PZP: variants seen among roughly 807,000 people sequenced by gnomAD.
PZP encodes the protein PZP alpha-2-macroglobulin like, also known as pregnancy zone protein.
A neutral mutation model predicts 179.8 loss-of-function variants in PZP; 150 were observed. The ratio of observed to expected loss-of-function variants is 0.83; its 90% CI spans 0.73 to 0.96. PZP has a LOEUF of 0.96. Among genes scored for constraint, PZP ranks in the 40% least tolerant of loss-of-function variants. PZP has a pLI of 0.00. For synonymous variants in PZP, 624 were observed against 652.3 expected (o/e 0.96, Z 0.66); for missense variants, 1,689 against 1,764.0 (o/e 0.96, Z 0.76).
Position 9,201,065 on chromosome 12 carries a change from A to T in PZP, c.502-5T>A. On this transcript the variant is annotated splice_polypyrimidine_tract_variant and splice_region_variant and intron_variant, in intron 5 of 35. Transcript: ENST00000261336. The stretch of plus-strand genomic sequence containing the variant: ...AATTCGATTTCTTCTTGGGTTCTGA[A>T]GGGAAACAAGAAACATGGGCGGTAA... 6.2e-7 allele frequency: 1 copy of T among 1,613,736 alleles called. No individual in the cohort carries two copies.
rs752530499 is a variant in PZP, at chr12:9,196,669, C to A, written c.884G>T (p.Cys295Phe). The change falls in exon 9 of 36, where the codon TGC (cysteine) becomes TTC (phenylalanine). Residue 295 changes from cysteine to phenylalanine, a missense_variant. Coordinates refer to ENST00000261336, the MANE Select transcript of PZP (RefSeq NM_002864.3). ...TTTGGTGTGTACTTGTTGGGTGATG[C>A]AGCCATTGCTGTTAAGCTGAGAAAA... ...EFSQQLNSNG[C>F]ITQQVHTKML... 1.9e-6 allele frequency: 3 copies of A among 1,610,328 alleles called. No individual in the cohort carries two copies. In the Admixed American group the frequency reaches 5.0e-5, roughly 27 times the overall value.
At chr12:9,200,242 A>G in intron 7 of PZP, 122 bp downstream of exon 7, 1 of 547,914 alleles carries the variant, frequency 1.8e-6, no homozygotes, top group East Asian at 3.0e-5. Context: ...TTAAATAAAG[A>G]GAAGTCAAAG....
At chr12:9,172,796 A>G (rs1054917174) in intron 15 of PZP, among the ~76,000 whole-genome samples, 4 of 152,244 alleles carry the variant, frequency 2.6e-5, no homozygotes, top group Admixed American at 6.5e-5. Context: ...ATATATATGC[A>G]TCCAATACAG....
At chr12:9,195,837 G>T (rs1193092709) in intron 10 of PZP, among the ~76,000 whole-genome samples, 1 of 149,638 alleles carries the variant, frequency 6.7e-6, no homozygotes, top group Non-Finnish European at 1.5e-5. Context: ...CTTTATTATT[G>T]TTAAAATATA....
At chr12:9,174,848 C>T (rs936055824) in intron 15 of PZP, among the ~76,000 whole-genome samples, 23 of 152,090 alleles carry the variant, frequency 1.5e-4, no homozygotes, top group Non-Finnish European at 2.8e-4. Context: ...CATCCTCACG[C>T]ATAAGAAGAA....
chr12:9,165,905 T>G, intron 18 of PZP, 147 bp downstream of exon 18: 1 of 887,070 alleles, frequency 1.1e-6, no homozygotes, highest in Non-Finnish European at 1.7e-6. Context: ...GCCTATGCAA[T>G]TGCGCATTTT....
intron 35 of PZP, 41 bp from the exon 36 acceptor site, chr12:9,149,035 C>T (rs373103702): frequency 9.3e-5 from 147 of 1,582,256 alleles, no homozygotes; most frequent in Non-Finnish European, 1.2e-4. Context: ...GTATCATTTC[C>T]TGAGGAGCAT....
In PZP at chr12:9,157,094, A is replaced by G. The variant is rs1940811396; in HGVS notation, c.3550+81T>C. The G allele has an allele frequency of 3.5e-5, 48 of 1,381,080 alleles. 2 individuals are homozygous for G. The South Asian group carries it at 6.1e-4, about 18-fold the overall frequency. 85.6% of individuals were successfully genotyped at this position (1,381,080 alleles called of 1,614,324 possible). A position where few individuals can be genotyped will look rare whatever the true frequency, so the allele number is the denominator to read the frequency against. On this transcript the variant is annotated intron_variant, in intron 28 of 35. Coordinates refer to ENST00000261336, the MANE Select transcript of PZP (RefSeq NM_002864.3). Reference sequence around the variant, plus strand: ...GATGCTCTCCCTCTCCGCACCTCCCAGACAGGCCCCAATGTGTGCTGTTCC... The same window carrying G: ...GATGCTCTCCCTCTCCGCACCTCCCGGACAGGCCCCAATGTGTGCTGTTCC...
At chr12:9,185,738 C>T (rs1565652388) in intron 13 of PZP, among the ~76,000 whole-genome samples, 1 of 150,352 alleles carries the variant, frequency 6.7e-6, no homozygotes, top group Non-Finnish European at 1.5e-5. Flanking sequence ...TAATGGTGGG[C>T]CTCTTAGCAG....
intron 15 of PZP, among the ~76,000 whole-genome samples, chr12:9,179,450 T>C (rs1295719925): frequency 6.6e-6 from 1 of 152,178 alleles, no homozygotes; most frequent in African/African-American, 2.4e-5. Context: ...GTCACCCCCA[T>C]GAATTAATAT....
At chr12:9,150,797 T>C in intron 33 of PZP, 51 bp from the exon 34 acceptor site, 1 of 1,129,852 alleles carries the variant, frequency 8.9e-7, no homozygotes, top group Non-Finnish European at 1.3e-6. Flanking sequence ...TCCTTCTTTC[T>C]CCCATGAGCA....
intron 13 of PZP, among the ~76,000 whole-genome samples, chr12:9,185,423 T>A (rs956770300): frequency 6.6e-6 from 1 of 152,178 alleles, no homozygotes; most frequent in African/African-American, 2.4e-5. Context: ...CTGAGAAATC[T>A]GGGATTATTT....
chr12:9,150,273 T>C, intron 34 of PZP, among the ~76,000 whole-genome samples: 1 of 152,180 alleles, frequency 6.6e-6, no homozygotes, highest in East Asian at 1.9e-4. Context: ...AGTTTTTGTT[T>C]TGTTTTGTGT....
At chr12:9,180,019 TG>T (rs1692355661) in intron 15 of PZP, among the ~76,000 whole-genome samples, 1 of 152,244 alleles carries the variant, frequency 6.6e-6, no homozygotes, top group Non-Finnish European at 1.5e-5. Flanking sequence ...TCCGGAATGT[TG>T]GGCAGATTAA....
At position 9,163,716 on chromosome 12, in the gene PZP, G is replaced by A. The variant is rs1414710882; in HGVS notation, c.2688C>T (p.Val896=). The A allele has an allele frequency of 1.2e-6, 2 of 1,613,882 alleles. No individual in the cohort carries two copies. The highest frequency in any genetic ancestry group is 1.7e-6 in the Non-Finnish European group (2 of 1,179,906). ...LELCGNEVVE[V]PEIKRKDTVI... ...CTGTGTCTTTTCTTTTAATCTCAGG[G>A]ACCTCAACAACCTCATTTCCACAGA... Residue 896 remains valine, a synonymous_variant, in exon 21 of 36, where the codon GTC becomes GTT. Coordinates refer to ENST00000261336, the MANE Select transcript of PZP (RefSeq NM_002864.3).
At chr12:9,206,434 A>G (rs779839601) in intron 1 of PZP, among the ~76,000 whole-genome samples, 21 of 152,216 alleles carry the variant, frequency 1.4e-4, no homozygotes, top group Non-Finnish European at 2.5e-4. Context: ...CTTGCCCAAG[A>G]TGTCATTGGT....
At chr12:9,169,088 G>C in intron 16 of PZP, 114 bp from the exon 17 acceptor site, 1 of 692,650 alleles carries the variant, frequency 1.4e-6, no homozygotes, top group East Asian at 2.8e-5. Context: ...ATTCTATGGC[G>C]AAACACTTGA....
At position 9,158,423 on chromosome 12, in the gene PZP, T is replaced by C; in HGVS notation, c.3291A>G (p.Ile1097Met). The C allele has an allele frequency of 6.2e-7, 1 of 1,614,172 alleles. No individual in the cohort carries two copies. The highest frequency in any genetic ancestry group is 8.5e-7 in the Non-Finnish European group (1 of 1,180,014). ...RSSGSLLNNA[I>M]KGGVEDEATL... is the part of the protein sequence containing the mutation. ...AGAAGTTTGTGGAACAGTTCACCTT[T>C]ATGGCATTGTTGAGCAGTGACCCAG... The change falls in exon 26 of 36, where the codon ATA becomes ATG. Residue 1097 changes from isoleucine (I) to methionine (M), a missense_variant. Around this residue, in one of 3 missense-constraint regions of PZP, gnomAD observed 746 missense variants for 749.2 expected, o/e 1.00. Transcript: ENST00000261336.
At chr12:9,191,885 A>AT (rs947177395) in intron 13 of PZP, among the ~76,000 whole-genome samples, 57 of 152,190 alleles carry the variant, frequency 3.7e-4, no homozygotes, top group African/African-American at 1.3e-3. Context: ...TGTACACTTT[A>AT]TTGGGGGTGG....
Sources: allele counts gnomAD v4.1 joint callset (sites outside exome capture counted in the v4.1 genomes callset), GRCh38; gene constraint gnomAD v4.1.1; regional missense constraint gnomAD v4.1.1; transcripts MANE v1.5; gene names NCBI Gene and HGNC (gene_info 2026-07-23, HGNC 2026-07-21).